Variants in GABRB1 observed in about 807,000 individuals in gnomAD.
GABRB1 encodes the protein gamma-aminobutyric acid type A receptor subunit beta1, also known as gamma-aminobutyric acid receptor subunit beta-1.
In GABRB1, 17 loss-of-function variants were observed where a neutral mutation model predicts 51.6. The ratio of observed to expected loss-of-function variants is 0.33; its 90% CI spans 0.23 to 0.49. The LOEUF (loss-of-function observed/expected upper bound fraction) is 0.49. Ranked by LOEUF, GABRB1 falls within the 20% of genes least tolerant of loss-of-function variation. The pLI is 0.99. For synonymous variants in GABRB1, 247 were observed against 218.9 expected (o/e 1.13, Z -1.14); for missense variants, 410 against 600.6 (o/e 0.68, Z 3.32).
At chr4:47,296,822 C>T (rs558414907) in intron 4 of GABRB1, among the ~76,000 whole-genome samples, 42 of 152,284 alleles carry the variant, frequency 2.8e-4, no homozygotes, top group African/African-American at 9.9e-4. Context: ...TTCAGCACCA[C>T]ACCACACCTA....
intron 4 of GABRB1, among the ~76,000 whole-genome samples, chr4:47,212,988 A>G (rs1369181286): frequency 6.6e-6 from 1 of 152,178 alleles, no homozygotes; most frequent in Non-Finnish European, 1.5e-5. Flanking sequence ...CTAATGCACG[A>G]CATACATGGA....
chr4:47,068,013 G>A (rs1379995706), intron 3 of GABRB1, among the ~76,000 whole-genome samples: 1 of 152,126 alleles, frequency 6.6e-6, no homozygotes, highest in Non-Finnish European at 1.5e-5. Context: ...GTTTGCTGAG[G>A]ATAATGGCTT....
intron 3 of GABRB1, among the ~76,000 whole-genome samples, chr4:47,122,034 A>G (rs1366031562): frequency 6.6e-6 from 1 of 151,734 alleles, no homozygotes; most frequent in Non-Finnish European, 1.5e-5. Flanking sequence ...CATGATATCT[A>G]TATCCTTAAC....
intron 3 of GABRB1, among the ~76,000 whole-genome samples, chr4:47,126,537 T>C (rs1456717415): frequency 1.3e-5 from 2 of 152,104 alleles, no homozygotes; most frequent in African/African-American, 4.8e-5. Context: ...TTAAATATAT[T>C]ACAATTTTTA....
intron 4 of GABRB1, among the ~76,000 whole-genome samples, chr4:47,183,803 C>T (rs988374040): frequency 5.9e-5 from 9 of 151,840 alleles, no homozygotes; most frequent in African/African-American, 2.2e-4. Flanking sequence ...ACTTTGAGGT[C>T]AGTGGCTTCT....
At chr4:47,365,645 T>A (rs544901932) in intron 5 of GABRB1, among the ~76,000 whole-genome samples, 1 of 152,254 alleles carries the variant, frequency 6.6e-6, no homozygotes, top group African/African-American at 2.4e-5. Flanking sequence ...TGTCTTCTGG[T>A]TGATTTTACC....
At chr4:47,023,559 A>C (rs1724997912) in intron 1 of GABRB1, among the ~76,000 whole-genome samples, 1 of 152,084 alleles carries the variant, frequency 6.6e-6, no homozygotes, top group Non-Finnish European at 1.5e-5. Context: ...TGGTTTAAAA[A>C]TAACACATTC....
chr4:47,163,217 T>C (rs1718036866), intron 4 of GABRB1, among the ~76,000 whole-genome samples: 1 of 152,056 alleles, frequency 6.6e-6, no homozygotes, highest in African/African-American at 2.4e-5. Context: ...AATACCCCCT[T>C]ACTCATTATT....
At chr4:47,153,656 C>A (rs559675556) in intron 3 of GABRB1, among the ~76,000 whole-genome samples, 11 of 152,068 alleles carry the variant, frequency 7.2e-5, no homozygotes, top group Non-Finnish European at 1.3e-4. Context: ...GTCATATGTG[C>A]CCCATGTATT....
At chr4:47,423,022 T>C (rs926341254) in intron 8 of GABRB1, among the ~76,000 whole-genome samples, 3 of 152,114 alleles carry the variant, frequency 2.0e-5, no homozygotes, top group African/African-American at 7.2e-5. Flanking sequence ...GCCCTCATTA[T>C]CTATCCCCTG....
chr4:47,163,093 G>A (rs1320478864), intron 4 of GABRB1, among the ~76,000 whole-genome samples: 1 of 151,994 alleles, frequency 6.6e-6, no homozygotes, highest in East Asian at 1.9e-4. Context: ...AGAGGACCAA[G>A]GTTGGGCATA....
chr4:47,192,911 T>C (rs1163036210), intron 4 of GABRB1, among the ~76,000 whole-genome samples: 1 of 152,136 alleles, frequency 6.6e-6, no homozygotes, highest in Non-Finnish European at 1.5e-5. Context: ...TTTATCCCCA[T>C]TTTACAGATG....
chr4:47,073,852 A>G (rs1727442474), intron 3 of GABRB1, among the ~76,000 whole-genome samples: 1 of 152,140 alleles, frequency 6.6e-6, no homozygotes, highest in Admixed American at 6.6e-5. Context: ...TAAGCAGGCT[A>G]TTTATCTGAT....
chr4:47,014,241 A>G (rs1446651390), intron 1 of GABRB1, among the ~76,000 whole-genome samples: 1 of 152,162 alleles, frequency 6.6e-6, no homozygotes, highest in East Asian at 1.9e-4. Context: ...CAATTTCCAT[A>G]GTTTCATGAT....
intron 1 of GABRB1, among the ~76,000 whole-genome samples, chr4:47,002,943 G>A (rs1156307680): frequency 1.3e-5 from 2 of 152,174 alleles, no homozygotes; most frequent in Admixed American, 6.5e-5. Context: ...AAATATCAGA[G>A]AAGGATTTGG....
At chr4:47,233,074 C>T (rs185009953) in intron 4 of GABRB1, among the ~76,000 whole-genome samples, 16 of 152,186 alleles carry the variant, frequency 1.1e-4, no homozygotes, top group East Asian at 5.8e-4. Flanking sequence ...CAGGATTTCA[C>T]CATGTTGCCC....
intron 4 of GABRB1, among the ~76,000 whole-genome samples, chr4:47,217,526 A>C (rs2109818830): frequency 6.6e-6 from 1 of 151,860 alleles, no homozygotes; most frequent in Non-Finnish European, 1.5e-5. Flanking sequence ...ATACACCCAG[A>C]AACACAATTT....
chr4:47,158,039 A>G (rs1401508836), intron 3 of GABRB1, among the ~76,000 whole-genome samples: 1 of 152,136 alleles, frequency 6.6e-6, no homozygotes, highest in African/African-American at 2.4e-5. Flanking sequence ...AATGAGTTGT[A>G]TAACAAAGGT....
intron 4 of GABRB1, among the ~76,000 whole-genome samples, chr4:47,318,666 T>C (rs963010007): frequency 2.6e-5 from 4 of 152,080 alleles, no homozygotes; most frequent in African/African-American, 9.7e-5. Flanking sequence ...ACCCTAACTC[T>C]ACATATCCTA....
Sources: gnomAD v4.1 joint callset for allele counts (sites outside exome capture counted in the v4.1 genomes callset) on GRCh38, gnomAD v4.1.1 for gene constraint, MANE v1.5 for transcripts, NCBI Gene and HGNC (gene_info 2026-07-23, HGNC 2026-07-21) for gene names.